DOK6: variants seen among roughly 807,000 people sequenced by gnomAD.
DOK6 encodes downstream of tyrosine kinase 6.
DOK6 carries 22 observed loss-of-function variants against 44.0 expected under a neutral mutation model. The ratio of observed to expected loss-of-function variants is 0.50; its 90% CI spans 0.36 to 0.71. The LOEUF (loss-of-function observed/expected upper bound fraction) is 0.71. Among genes scored for constraint, DOK6 ranks in the 30% least tolerant of loss-of-function variants. The pLI is 0.00. For synonymous variants in DOK6, 166 were observed against 145.5 expected, an observed-to-expected ratio of 1.14 and a Z score of -1.01; for missense variants, 340 against 416.4, an observed-to-expected ratio of 0.82 and a Z score of 1.60.
chr18:69,631,796 CA>C (rs564778788), intron 3 of DOK6, among the ~76,000 whole-genome samples: 2 of 152,314 alleles, frequency 1.3e-5, no homozygotes, highest in African/African-American at 2.4e-5. Flanking sequence ...ATCCATTAGA[CA>C]AAGTGTCCGA....
At chr18:69,741,957 A>G (rs2144740225) in intron 6 of DOK6, among the ~76,000 whole-genome samples, 1 of 152,356 alleles carries the variant, frequency 6.6e-6, no homozygotes, top group Non-Finnish European at 1.5e-5. Context: ...TTACTATGAA[A>G]GAAAATTCAA....
At chr18:69,418,455 A>C (rs1978397730) in intron 1 of DOK6, among the ~76,000 whole-genome samples, 2 of 152,028 alleles carry the variant, frequency 1.3e-5, no homozygotes, top group Non-Finnish European at 1.5e-5. Context: ...TTTATATTTA[A>C]ATATTAAACA....
rs1261248212 is a variant in DOK6, at chr18:69,744,953, A to AC, written c.738+5851dup. 2.2e-3 allele frequency among the ~76,000 whole-genome samples: 324 copies of AC among 144,354 alleles called. 1 individual carries two copies. The highest frequency in any genetic ancestry group is 7.0e-3 in the Middle Eastern group (2 of 286). 94.7% of individuals were successfully genotyped at this position (144,354 alleles called of 152,430 possible). Reference sequence around the variant, plus strand: ...AAAAAAAAAAAAAAAAAAAACACCCACACATACACATGCCCAAGGAGAAAC... The same window carrying AC: ...AAAAAAAAAAAAAAAAAAAACACCCACCACATACACATGCCCAAGGAGAAAC... On this transcript the variant is annotated intron_variant, in intron 6 of 7. Coordinates refer to ENST00000382713, the MANE Select transcript of DOK6 (RefSeq NM_152721.6).
At chr18:69,493,668 T>C (rs763118953) in intron 1 of DOK6, among the ~76,000 whole-genome samples, 3 of 152,228 alleles carry the variant, frequency 2.0e-5, no homozygotes, top group Non-Finnish European at 4.4e-5. Context: ...TATGCCCATC[T>C]TTTAGAAATC....
intron 1 of DOK6, among the ~76,000 whole-genome samples, chr18:69,509,441 T>G (rs926194053): frequency 5.3e-5 from 8 of 151,906 alleles, no homozygotes; most frequent in South Asian, 2.1e-4. Context: ...ATCGAGACCA[T>G]CCTGGCTAAC....
Position 69,405,592 on chromosome 18 carries a change from TAAATAAAATAAAATA to T in DOK6, c.66+4305_66+4319del, listed in dbSNP as rs149922407. On this transcript the variant is annotated intron_variant, in intron 1 of 7. Transcript: ENST00000382713. ...GAAACTCTGTCTCAAAATAACTAAC[TAAATAAAATAAAATA>T]AAATAAAATAAAATAAAATAAATAG... Among the ~76,000 whole-genome samples, 1,020 of 149,768 alleles carry T rather than the reference TAAATAAAATAAAATA, an allele frequency of 6.8e-3. 8 individuals carry two copies. Among genetic ancestry groups the T allele is most frequent in the Admixed American group, 0.026 (396 of 15,044 alleles).
intron 7 of DOK6, among the ~76,000 whole-genome samples, chr18:69,811,691 G>A (rs1301742062): frequency 6.6e-6 from 1 of 151,632 alleles, no homozygotes; most frequent in Non-Finnish European, 1.5e-5. Flanking sequence ...GAAATTCTAT[G>A]GGTAAATCCC....
Position 69,730,978 on chromosome 18 carries a change from T to A in DOK6, c.600-7987T>A, listed in dbSNP as rs548719620. On this transcript the variant is annotated intron_variant, in intron 5 of 7. Transcript: ENST00000382713. Reference sequence around the variant, plus strand: ...ATAAAATGTTAAAAATTAAAAAAAATTCAGTAGATCAAACATATTCCTACA... The same window carrying A: ...ATAAAATGTTAAAAATTAAAAAAAAATCAGTAGATCAAACATATTCCTACA... 3.8e-3 allele frequency among the ~76,000 whole-genome samples: 584 copies of A among 152,204 alleles called. 1 individual carries two copies. Among genetic ancestry groups the A allele is most frequent in the Non-Finnish European group, 7.3e-3 (499 of 68,004 alleles).
At chr18:69,783,072 C>A (rs757513009) in intron 7 of DOK6, among the ~76,000 whole-genome samples, 37 of 152,180 alleles carry the variant, frequency 2.4e-4, no homozygotes, top group Non-Finnish European at 4.9e-4. Context: ...ATAGACATGA[C>A]CCAGGCAATG....
chr18:69,841,719 G>T lies in DOK6; in HGVS notation c.*336G>T. ...TGCCCACACTGGGGTATGCCTGGGT[G>T]ATGGGCACCTCTCACTGACCTCACA... is the stretch of plus-strand genomic sequence containing the variant. On this transcript the variant is annotated 3_prime_UTR_variant, in exon 8 of 8. Coordinates refer to ENST00000382713, the MANE Select transcript of DOK6 (RefSeq NM_152721.6). 4.0e-6 allele frequency: 1 copy of T among 247,730 alleles called. No homozygotes were observed. Among genetic ancestry groups the T allele is most frequent in the South Asian group, 6.8e-5 (1 of 14,646 alleles). 15.3% of individuals were successfully genotyped at this position (247,730 alleles called of 1,614,324 possible). A position where few individuals can be genotyped will look rare whatever the true frequency, so the allele number is the denominator to read the frequency against.
chr18:69,651,687 C>A (rs1985232092), intron 3 of DOK6, among the ~76,000 whole-genome samples: 1 of 151,806 alleles, frequency 6.6e-6, no homozygotes, highest in Admixed American at 6.6e-5. Flanking sequence ...CGGGGTTTCA[C>A]CATGTTGGCC....
chr18:69,481,977 T>G (rs1980437074), intron 1 of DOK6, among the ~76,000 whole-genome samples: 1 of 152,250 alleles, frequency 6.6e-6, no homozygotes, highest in Non-Finnish European at 1.5e-5. Context: ...TGGCCAGTGA[T>G]GATGAGCATC....
chr18:69,772,426 G>A (rs144814772), intron 7 of DOK6, among the ~76,000 whole-genome samples: 127 of 152,048 alleles, frequency 8.4e-4, no homozygotes, highest in Middle Eastern at 3.4e-3. Flanking sequence ...AAAGAACAGA[G>A]CTAAAAGGAT....
chr18:69,583,972 G>T (rs1286042294), intron 2 of DOK6, among the ~76,000 whole-genome samples: 1 of 151,636 alleles, frequency 6.6e-6, no homozygotes, highest in East Asian at 2.0e-4. Context: ...GCCAGGCGTG[G>T]TGGCGGGCGC....
chr18:69,617,543 A>G, intron 3 of DOK6, among the ~76,000 whole-genome samples: 1 of 146,146 alleles, frequency 6.8e-6, no homozygotes, highest in Non-Finnish European at 1.5e-5. Flanking sequence ...AAAGAAAAGA[A>G]AGGAAAAGAC....
At chr18:69,751,370 G>A (rs914489486) in intron 6 of DOK6, among the ~76,000 whole-genome samples, 6 of 152,050 alleles carry the variant, frequency 3.9e-5, no homozygotes, top group Non-Finnish European at 8.8e-5. Context: ...ATTATAAATT[G>A]TCAATTTATA....
chr18:69,617,328 A>AAAAGAAAGAAAGAAAGAAAGAAAG (rs34477258), intron 3 of DOK6, among the ~76,000 whole-genome samples: 2 of 148,694 alleles, frequency 1.3e-5, no homozygotes, highest in African/African-American at 5.0e-5. Context: ...AGAGAGAAAG[A>AAAAGAAAGAAAGAAAGAAAGAAAG]AAAGAAAGAA....
In DOK6 at chr18:69,629,799, T is replaced by C. The variant is rs1206182040; in HGVS notation, c.289+30301T>C. ...TGTTTGTTTGTTTTTGTTTGTTTGT[T>C]TGTTTGTTTGTTTTGAGATAGAGTC... On this transcript the variant is annotated intron_variant, in intron 3 of 7. Transcript: ENST00000382713. 1.5e-4 allele frequency among the ~76,000 whole-genome samples: 23 copies of C among 152,018 alleles called. 1 individual carries two copies. The highest frequency in any genetic ancestry group is 1.5e-3 in the Admixed American group (23 of 15,270).
At chr18:69,406,289 C>G (rs989369419) in intron 1 of DOK6, among the ~76,000 whole-genome samples, 3 of 152,186 alleles carry the variant, frequency 2.0e-5, no homozygotes, top group African/African-American at 7.2e-5. Flanking sequence ...TGCTTAGAAA[C>G]TCTATCTCTA....
Sources: allele counts gnomAD v4.1 joint callset (sites outside exome capture counted in the v4.1 genomes callset), GRCh38; gene constraint gnomAD v4.1.1; transcripts MANE v1.5; gene names NCBI Gene and HGNC (gene_info 2026-07-23, HGNC 2026-07-21).